YIPF1: variants seen among roughly 807,000 people sequenced by gnomAD.
YIPF1 encodes protein YIPF1.
In YIPF1, 22 loss-of-function variants were observed where a neutral mutation model predicts 37.0. The ratio of observed to expected loss-of-function variants is 0.59; its 90% CI spans 0.42 to 0.85. The LOEUF is 0.85. Among genes scored for constraint, YIPF1 ranks in the 40% least tolerant of loss-of-function variants. The probability of loss-of-function intolerance (pLI) is 0.00; values close to 1 mark genes in which losing one functional copy is unlikely to be tolerated. For missense variants in YIPF1, 355 were observed against 373.1 expected (o/e 0.95, Z 0.40); for synonymous variants, 128 against 131.9 (o/e 0.97, Z 0.21).
intron 3 of YIPF1, among the ~76,000 whole-genome samples, chr1:53,884,835 G>A (rs1445898702): frequency 6.6e-6 from 1 of 152,200 alleles, no homozygotes; most frequent in Non-Finnish European, 1.5e-5. Context: ...AAGGCCAAAG[G>A]AAGAGTGCCA....
At chr1:53,863,078 G>A (rs1649924774) in intron 9 of YIPF1, among the ~76,000 whole-genome samples, 1 of 152,142 alleles carries the variant, frequency 6.6e-6, no homozygotes. Flanking sequence ...AGAAAACTGA[G>A]CCTTCCTCTC....
chr1:53,869,158 T>TCACA lies in YIPF1; in HGVS notation c.481+2213_481+2214insTGTG, dbSNP rs1191309311. Among the ~76,000 whole-genome samples the TCACA allele has an allele frequency of 9.9e-4, 120 of 121,470 alleles. 1 individual carries two copies. Among genetic ancestry groups the TCACA allele is most frequent in the African/African-American group, 3.5e-3 (93 of 26,952 alleles). The allele number at this position is 121,470 out of a possible 152,430, so 79.7% of individuals were successfully genotyped here. A position where few individuals can be genotyped will look rare whatever the true frequency, so the allele number is the denominator to read the frequency against. The stretch of plus-strand genomic sequence containing the variant: ...CTCTCTCTCTCTCTCTCTCTCTCTC[T>TCACA]CTCACACACACACACACACACACAC... On this transcript the variant is annotated intron_variant, in intron 7 of 10. Coordinates refer to ENST00000072644, the MANE Select transcript of YIPF1 (RefSeq NM_018982.5).
intron 9 of YIPF1, among the ~76,000 whole-genome samples, chr1:53,862,295 G>A (rs1649904156): frequency 6.6e-6 from 1 of 152,160 alleles, no homozygotes; most frequent in African/African-American, 2.4e-5. Context: ...CATCTCCATA[G>A]TCTGTGCTCT....
intron 7 of YIPF1, among the ~76,000 whole-genome samples, chr1:53,869,160 T>TCTCACACACA (rs911930860): frequency 2.9e-5 from 4 of 138,054 alleles, no homozygotes; most frequent in African/African-American, 8.4e-5. Context: ...TCTCTCTCTC[T>TCTCACACACA]CACACACACA....
chr1:53,888,614 T>C (rs1650718997), intron 3 of YIPF1, among the ~76,000 whole-genome samples: 2 of 152,232 alleles, frequency 1.3e-5, no homozygotes, highest in African/African-American at 4.8e-5. Context: ...AAGCACAAAG[T>C]AAGTGCTCAA....
chr1:53,871,536 C>T, intron 6 of YIPF1, 48 bp from the exon 7 acceptor site: 1 of 1,399,214 alleles, frequency 7.1e-7, no homozygotes, highest in Non-Finnish European at 1.0e-6. Flanking sequence ...GAAGCATAAG[C>T]CTTTAGATTC....
In YIPF1 at chr1:53,866,267, C is replaced by A; in HGVS notation, c.764G>T (p.Arg255Leu). ...CACAATTGTGGCCAATGCAACGCGT[C>A]GGTTATCCTCACGAACAGCTGGCCA... is the stretch of plus-strand genomic sequence containing the variant. ...TFWPAVREDN[R>L]RVALATIVTI... is the part of the protein sequence containing the mutation. The change falls in exon 9 of 11, where the codon CGA becomes CTA. Residue 255 changes from arginine (R) to leucine (L), a missense_variant. Coordinates refer to ENST00000072644, the MANE Select transcript of YIPF1 (RefSeq NM_018982.5). The A allele has an allele frequency of 6.2e-7, 1 of 1,614,160 alleles. No homozygotes were observed. The highest frequency in any genetic ancestry group is 1.1e-5 in the South Asian group (1 of 91,060).
Position 53,866,251 on chromosome 1 carries a change from G to A in YIPF1, c.780C>T (p.Ala260=), listed in dbSNP as rs921392905. The change falls in exon 9 of 11, where the codon GCC becomes GCT. Residue 260 remains alanine (A), a synonymous_variant. Transcript: ENST00000072644. ...GGAGCAACACAATTGTCACAATTGTGGCCAATGCAACGCGTCGGTTATCCT... is the reference window on the plus strand; with the variant it reads ...GGAGCAACACAATTGTCACAATTGTAGCCAATGCAACGCGTCGGTTATCCT... ...VREDNRRVAL[A]TIVTIVLLHM... The A allele has an allele frequency of 3.1e-6, 5 of 1,614,138 alleles. No individual in the cohort carries two copies. The highest frequency in any genetic ancestry group is 4.2e-6 in the Non-Finnish European group (5 of 1,180,018).
intron 9 of YIPF1, 24 bp from the exon 10 acceptor site, chr1:53,860,177 AG>A: frequency 6.2e-7 from 1 of 1,612,822 alleles, no homozygotes; most frequent in South Asian, 1.1e-5. Context: ...AAGACCCAGG[AG>A]GGAGTTAAAA....
intron 10 of YIPF1, among the ~76,000 whole-genome samples, chr1:53,853,338 G>T (rs1649642682): frequency 1.3e-5 from 2 of 152,210 alleles, no homozygotes; most frequent in Non-Finnish European, 2.9e-5. Context: ...AAATGATGGT[G>T]CCATTCCCTG....
intron 4 of YIPF1, among the ~76,000 whole-genome samples, chr1:53,879,840 A>T (rs1426677038): frequency 1.3e-5 from 2 of 152,228 alleles, no homozygotes; most frequent in African/African-American, 4.8e-5. Context: ...AGGTTCTTGC[A>T]TTGGGACTGA....
intron 10 of YIPF1, among the ~76,000 whole-genome samples, chr1:53,857,495 ATT>A (rs1312792648): frequency 6.6e-6 from 1 of 152,186 alleles, no homozygotes; most frequent in African/African-American, 2.4e-5. Flanking sequence ...TAAAAAGAAC[ATT>A]TGTCTAAAAA....
intron 7 of YIPF1, among the ~76,000 whole-genome samples, chr1:53,867,411 C>T (rs1374873235): frequency 1.5e-5 from 2 of 130,808 alleles, no homozygotes; most frequent in Non-Finnish European, 3.1e-5. Context: ...CTTGCTCTGT[C>T]GCCCAGGCTG....
At chr1:53,859,609 G>A (rs1030723933) in intron 10 of YIPF1, among the ~76,000 whole-genome samples, 16 of 152,184 alleles carry the variant, frequency 1.1e-4, no homozygotes, top group Admixed American at 1.0e-3. Flanking sequence ...AGGCTGCACT[G>A]AGCTGAGATC....
chr1:53,866,036 G>A (rs553442681), intron 9 of YIPF1, among the ~76,000 whole-genome samples, 164 bp downstream of exon 9: 2 of 152,296 alleles, frequency 1.3e-5, no homozygotes, highest in Non-Finnish European at 2.9e-5. Context: ...TCCCGAGCTC[G>A]AGATCCGCCC....
In YIPF1 at chr1:53,860,051, C is replaced by G; in HGVS notation, c.*8+5G>C. On this transcript the variant is annotated splice_donor_5th_base_variant and intron_variant, in intron 10 of 10. Transcript: ENST00000072644. Reference sequence around the variant, plus strand: ...ACACAGCAAAATAAAAATAGAATCTCTTACTTTCCTCATTAGCTGGACTTG... The same window carrying G: ...ACACAGCAAAATAAAAATAGAATCTGTTACTTTCCTCATTAGCTGGACTTG... 1 of 1,613,776 alleles carries G rather than the reference C, an allele frequency of 6.2e-7. No homozygotes were observed. The highest frequency in any genetic ancestry group is 8.5e-7 in the Non-Finnish European group (1 of 1,179,756).
intron 6 of YIPF1, among the ~76,000 whole-genome samples, chr1:53,874,703 G>A (rs1650290143): frequency 6.6e-6 from 1 of 152,162 alleles, no homozygotes; most frequent in Admixed American, 6.5e-5. Flanking sequence ...GGACTCAGGG[G>A]TTGCAGTGAG....
At chr1:53,861,716 A>G (rs1426283844) in intron 9 of YIPF1, among the ~76,000 whole-genome samples, 2 of 149,750 alleles carry the variant, frequency 1.3e-5, no homozygotes, top group African/African-American at 2.5e-5. Flanking sequence ...GAGGGAAGAA[A>G]AGTAAATAAG....
intron 9 of YIPF1, among the ~76,000 whole-genome samples, chr1:53,861,272 C>T (rs1190479456): frequency 6.6e-6 from 1 of 152,130 alleles, no homozygotes; most frequent in African/African-American, 2.4e-5. Flanking sequence ...AAAGAAGAGT[C>T]CCTAACTTAA....
Sources: gnomAD v4.1 joint callset for allele counts (sites outside exome capture counted in the v4.1 genomes callset) on GRCh38, gnomAD v4.1.1 for gene constraint, MANE v1.5 for transcripts, NCBI Gene and HGNC (gene_info 2026-07-23, HGNC 2026-07-21) for gene names.